Variants in STX8 observed in about 807,000 individuals in gnomAD.
STX8 encodes syntaxin-8.
STX8 carries 23 observed loss-of-function variants against 37.5 expected under a neutral mutation model. The observed-to-expected ratio is 0.61, with a 90% confidence interval of 0.44 to 0.87. The LOEUF is 0.87. STX8 is among the 40% of genes least tolerant of loss of function. The probability of loss-of-function intolerance (pLI) is 0.00; values close to 1 mark genes in which losing one functional copy is unlikely to be tolerated. For synonymous variants in STX8, 115 were observed against 99.1 expected (o/e 1.16, Z -0.95); for missense variants, 313 against 284.7 (o/e 1.10, Z -0.71).
At chr17:9,305,736 A>ACCTTTT (rs1908960419) in intron 7 of STX8, 18 of 114,848 alleles carry the variant, frequency 1.6e-4, no homozygotes, top group African/African-American at 7.7e-4. Context: ...ATACAGGTGC[A>ACCTTTT]TCTTTTTTTT....
intron 7 of STX8, among the ~76,000 whole-genome samples, chr17:9,275,634 C>A (rs949880904): frequency 2.5e-4 from 38 of 152,240 alleles, no homozygotes; most frequent in African/African-American, 9.2e-4. Flanking sequence ...CTTTGAGAGG[C>A]CAAGGTGGGT....
chr17:9,531,364 T>C (rs1162873939), intron 4 of STX8, among the ~76,000 whole-genome samples: 3 of 152,200 alleles, frequency 2.0e-5, no homozygotes, highest in Non-Finnish European at 2.9e-5. Flanking sequence ...AATCTATAAA[T>C]CAATCTTGAG....
intron 4 of STX8, among the ~76,000 whole-genome samples, chr17:9,515,245 A>T (rs1056403430): frequency 2.8e-4 from 42 of 152,338 alleles, no homozygotes; most frequent in Admixed American, 8.5e-4. Flanking sequence ...GCACTAAAAA[A>T]TTTTAAATAA....
At chr17:9,464,274 G>A (rs182355125) in intron 6 of STX8, among the ~76,000 whole-genome samples, 31 of 149,128 alleles carry the variant, frequency 2.1e-4, no homozygotes, top group African/African-American at 7.5e-4. Flanking sequence ...AAGGTGTGGT[G>A]AGGGATGTAA....
chr17:9,548,833 T>C (rs1171461872), intron 3 of STX8, among the ~76,000 whole-genome samples: 4 of 151,922 alleles, frequency 2.6e-5, no homozygotes, highest in Non-Finnish European at 5.9e-5. Flanking sequence ...TAAAAAAAAA[T>C]CCTAACTATA....
Position 9,560,507 on chromosome 17 carries a change from A to C in STX8, c.118-2979T>G, listed in dbSNP as rs186232931. On this transcript the variant is annotated intron_variant, in intron 2 of 7. Coordinates refer to ENST00000306357, the MANE Select transcript of STX8 (RefSeq NM_004853.3). ...AAGTAATACCTAGGGAGAGTTTTTT[A>C]AATTGTTATTTTAAAACTTCATTAA... Among the ~76,000 whole-genome samples the C allele has an allele frequency of 6.1e-4, 93 of 152,036 alleles. 1 individual carries two copies. Among genetic ancestry groups the C allele is most frequent in the Admixed American group, 4.8e-3 (73 of 15,236 alleles).
At chr17:9,520,776 T>C (rs1024567635) in intron 4 of STX8, among the ~76,000 whole-genome samples, 2 of 152,230 alleles carry the variant, frequency 1.3e-5, no homozygotes, top group African/African-American at 2.4e-5. Context: ...TCTTATCAAC[T>C]GAATACAGAA....
intron 7 of STX8, among the ~76,000 whole-genome samples, chr17:9,374,965 A>C (rs1251828704): frequency 6.8e-6 from 1 of 147,230 alleles, no homozygotes; most frequent in Non-Finnish European, 1.5e-5. Context: ...CAGGAGGCTG[A>C]GGCAGGAGAA....
chr17:9,508,653 C>T (rs1225813509), intron 4 of STX8, among the ~76,000 whole-genome samples: 1 of 152,080 alleles, frequency 6.6e-6, no homozygotes, highest in East Asian at 1.9e-4. Flanking sequence ...GAAGACAGAT[C>T]TTGTGAAATA....
chr17:9,295,555 C>CA (rs1908485249), intron 7 of STX8, among the ~76,000 whole-genome samples: 1 of 150,532 alleles, frequency 6.6e-6, no homozygotes, highest in African/African-American at 2.4e-5. Flanking sequence ...CCAGCCTGGC[C>CA]AACAGGTGAA....
intron 7 of STX8, among the ~76,000 whole-genome samples, chr17:9,341,117 C>T (rs1016977896): frequency 6.6e-6 from 1 of 151,464 alleles, no homozygotes; most frequent in African/African-American, 2.4e-5. Context: ...TGTGGAAAGT[C>T]GAAATTAAGC....
chr17:9,529,117 C>G (rs1305889615), intron 4 of STX8, among the ~76,000 whole-genome samples: 2 of 152,098 alleles, frequency 1.3e-5, no homozygotes, highest in Non-Finnish European at 2.9e-5. Flanking sequence ...TACCAGCAAT[C>G]TTAACATTCT....
At chr17:9,334,997 C>A (rs907511306) in intron 7 of STX8, among the ~76,000 whole-genome samples, 1 of 152,186 alleles carries the variant, frequency 6.6e-6, no homozygotes, top group Non-Finnish European at 1.5e-5. Context: ...ATCAGTAGTT[C>A]ACATCTATTT....
At chr17:9,518,150 C>A (rs1905210269) in intron 4 of STX8, among the ~76,000 whole-genome samples, 1 of 152,136 alleles carries the variant, frequency 6.6e-6, no homozygotes, top group Non-Finnish European at 1.5e-5. Context: ...TGCAGCCAAA[C>A]TTCCATGAAG....
At chr17:9,535,627 T>C (rs1366338172) in intron 4 of STX8, among the ~76,000 whole-genome samples, 1 of 151,594 alleles carries the variant, frequency 6.6e-6, no homozygotes, top group Non-Finnish European at 1.5e-5. Flanking sequence ...AGAGACGGGG[T>C]TTCACCGTGT....
chr17:9,528,861 T>C lies in STX8; in HGVS notation c.323+16311A>G, dbSNP rs539489308. On this transcript the variant is annotated intron_variant, in intron 4 of 7. Coordinates refer to ENST00000306357, the MANE Select transcript of STX8 (RefSeq NM_004853.3). ...AATCAAGAAATGCCAAAATCATGCA[T>C]ATTTTTCCAGAGGGAAAGAGAAATA... Among the ~76,000 whole-genome samples, 98 of 151,916 alleles carry C rather than the reference T, an allele frequency of 6.5e-4. 2 individuals carry two copies. In the South Asian group the frequency reaches 0.02, roughly 32 times the overall value.
intron 4 of STX8, among the ~76,000 whole-genome samples, chr17:9,539,174 A>G (rs1439947480): frequency 6.6e-6 from 1 of 152,194 alleles, no homozygotes; most frequent in African/African-American, 2.4e-5. Context: ...TGCCACATTA[A>G]TGTCTGTTTA....
intron 4 of STX8, among the ~76,000 whole-genome samples, chr17:9,509,110 A>G (rs578197834): frequency 6.6e-6 from 1 of 152,178 alleles, no homozygotes; most frequent in African/African-American, 2.4e-5. Context: ...TTAGCTGGGC[A>G]TGGTGGCAGG....
chr17:9,440,991 C>A (rs973097149), intron 6 of STX8, among the ~76,000 whole-genome samples: 1 of 152,148 alleles, frequency 6.6e-6, no homozygotes, highest in African/African-American at 2.4e-5. Context: ...CTCCAGCTCC[C>A]AGGGGTTGAC....
Sources: allele counts gnomAD v4.1 joint callset (sites outside exome capture counted in the v4.1 genomes callset), GRCh38; gene constraint gnomAD v4.1.1; transcripts MANE v1.5; gene names NCBI Gene and HGNC (gene_info 2026-07-23, HGNC 2026-07-21).